IARS1: variants seen among roughly 807,000 people sequenced by gnomAD.
IARS1 encodes the protein isoleucyl-tRNA synthetase 1, also known as isoleucine--tRNA ligase, cytoplasmic.
IARS1 carries 124 observed loss-of-function variants against 168.2 expected under a neutral mutation model. The ratio of observed to expected loss-of-function variants is 0.74; its 90% CI spans 0.64 to 0.86. The LOEUF (loss-of-function observed/expected upper bound fraction) is 0.86. IARS1 is among the 40% of genes least tolerant of loss of function. The pLI is 0.00. For synonymous variants in IARS1, 532 were observed against 529.4 expected, an observed-to-expected ratio of 1.00 and a Z score of -0.07; for missense variants, 1,452 against 1,515.8, an observed-to-expected ratio of 0.96 and a Z score of 0.70.
rs1829903178 is a variant in IARS1, at chr9:92,250,761, T to C, written c.2381A>G (p.Gln794Arg). ...GTGAATGCTGAGTGTGTCCTTGTCC[T>C]GAACAGAAACAGGGTCAATCAGCAC... ...LKVLIDPVSV[Q>R]DKDTLSIHYL... Residue 794 changes from glutamine to arginine, a missense_variant, in exon 23 of 34, where the codon CAG becomes CGG. Gln to Arg is a conservative substitution (Grantham distance 43). Coordinates refer to ENST00000443024, the MANE Select transcript of IARS1 (RefSeq NM_002161.6). The C allele has an allele frequency of 1.9e-6, 3 of 1,613,596 alleles. No individual in the cohort carries two copies. Among genetic ancestry groups the C allele is most frequent in the African/African-American group, 1.3e-5 (1 of 74,902 alleles).
At chr9:92,241,344 A>C (rs190648271) in intron 29 of IARS1, among the ~76,000 whole-genome samples, 3 of 152,168 alleles carry the variant, frequency 2.0e-5, no homozygotes, top group Non-Finnish European at 2.9e-5. Context: ...TATATTTTAA[A>C]TGATCAACTT....
chr9:92,267,790 ATTTCT>A (rs752376509), intron 14 of IARS1, among the ~76,000 whole-genome samples: 18 of 152,154 alleles, frequency 1.2e-4, no homozygotes, highest in Non-Finnish European at 1.9e-4. Context: ...GCTTTGGTAA[ATTTCT>A]TTTCAAGTTT....
intron 6 of IARS1, among the ~76,000 whole-genome samples, chr9:92,282,424 C>T (rs181232013): frequency 1.4e-3 from 211 of 152,064 alleles, no homozygotes; most frequent in African/African-American, 4.7e-3. Context: ...GCCTCGGTTT[C>T]CTGAATAGCT....
intron 28 of IARS1, 61 bp downstream of exon 28, chr9:92,243,155 C>G: frequency 8.1e-7 from 1 of 1,237,264 alleles, no homozygotes. Context: ...CCTATCTTCT[C>G]CAAACAACCA....
At chr9:92,223,253 T>G (rs754623291) in intron 32 of IARS1, 93 bp downstream of exon 32, 1 of 1,234,266 alleles carries the variant, frequency 8.1e-7, no homozygotes, top group African/African-American at 1.5e-5. Flanking sequence ...AGCAATACTT[T>G]GAAGCCGACT....
chr9:92,211,755 ATTCTCTATAATTTGAAG>A (rs1416573728), intron 33 of IARS1, among the ~76,000 whole-genome samples: 2 of 152,184 alleles, frequency 1.3e-5, no homozygotes, highest in African/African-American at 4.8e-5. Flanking sequence ...TCAAAATATG[ATTCTCTATAATTTGAAG>A]AACAGCTATT....
At chr9:92,232,507 T>A (rs1370521339) in intron 30 of IARS1, among the ~76,000 whole-genome samples, 1 of 152,166 alleles carries the variant, frequency 6.6e-6, no homozygotes, top group African/African-American at 2.4e-5. Context: ...AAAGACTAAC[T>A]TTTGCCTTAT....
intron 7 of IARS1, among the ~76,000 whole-genome samples, chr9:92,280,451 G>A (rs771940216): frequency 2.6e-5 from 4 of 152,106 alleles, no homozygotes; most frequent in East Asian, 1.9e-4. Flanking sequence ...ATGCCACATC[G>A]CTGAATCTTA....
intron 9 of IARS1, 47 bp from the exon 10 acceptor site, chr9:92,274,568 TACA>T: frequency 2.2e-6 from 3 of 1,334,342 alleles, no homozygotes; most frequent in South Asian, 1.2e-5. Flanking sequence ...ATTACTGTGT[TACA>T]ACGTTAACTT....
At chr9:92,268,687 T>G (rs1027691984) in intron 13 of IARS1, among the ~76,000 whole-genome samples, 2 of 152,232 alleles carry the variant, frequency 1.3e-5, no homozygotes, top group African/African-American at 2.4e-5. Flanking sequence ...GCCAGGGGAT[T>G]GGTAGCTGCT....
chr9:92,280,432 A>G (rs1834373624), intron 7 of IARS1, among the ~76,000 whole-genome samples: 1 of 152,198 alleles, frequency 6.6e-6, no homozygotes, highest in Non-Finnish European at 1.5e-5. Context: ...AATTGCTAGT[A>G]ACGACGTGAT....
At chr9:92,233,085 A>G (rs1826960892) in intron 30 of IARS1, among the ~76,000 whole-genome samples, 1 of 152,230 alleles carries the variant, frequency 6.6e-6, no homozygotes, top group Non-Finnish European at 1.5e-5. Flanking sequence ...GAAGAGAAAC[A>G]GTAAACAAGT....
chr9:92,216,852 TAGACAGATCAACG>T (rs1554722864), intron 33 of IARS1, among the ~76,000 whole-genome samples: 3 of 144,756 alleles, frequency 2.1e-5, no homozygotes, highest in Non-Finnish European at 4.6e-5. Context: ...CTGTCAACAT[TAGACAGATCAACG>T]AGACAGAAAG....
intron 6 of IARS1, among the ~76,000 whole-genome samples, chr9:92,285,189 A>G (rs1835244886): frequency 1.3e-5 from 2 of 152,266 alleles, no homozygotes; most frequent in Admixed American, 6.5e-5. Flanking sequence ...TTACTAGTAT[A>G]TAATATCTGT....
chr9:92,280,959 A>C (rs1049812637), intron 6 of IARS1, 66 bp from the exon 7 acceptor site: 29 of 1,090,984 alleles, frequency 2.7e-5, no homozygotes, highest in Non-Finnish European at 3.7e-5. Flanking sequence ...AGAAAAAGGA[A>C]CTACTCCTAA....
chr9:92,287,141 G>A (rs1259680630), intron 4 of IARS1, among the ~76,000 whole-genome samples: 4 of 152,100 alleles, frequency 2.6e-5, no homozygotes, highest in African/African-American at 9.7e-5. Context: ...TCACTTCTGT[G>A]GCATTGTCAC....
chr9:92,235,772 G>A (rs530523247), intron 30 of IARS1, among the ~76,000 whole-genome samples: 35 of 151,878 alleles, frequency 2.3e-4, no homozygotes, highest in South Asian at 2.3e-3. Flanking sequence ...TGATCCACCC[G>A]CCTCAGCCTC....
At position 92,251,858 on chromosome 9, in the gene IARS1, T is replaced by A; in HGVS notation, c.2257A>T (p.Met753Leu). Residue 753 changes from methionine to leucine, a missense_variant, in exon 22 of 34, where the codon ATG (methionine) becomes TTG (leucine). Physicochemically the swap from Met to Leu is conservative, Grantham distance 15. Coordinates refer to ENST00000443024, the MANE Select transcript of IARS1 (RefSeq NM_002161.6). ...ACACTAAACAAGGTTTCTAGGGCCATGACACAATCCTCCATCCCATTTTCA... is the reference window on the plus strand; with the variant it reads ...ACACTAAACAAGGTTTCTAGGGCCAAGACACAATCCTCCATCCCATTTTCA... ...KGENGMEDCV[M>L]ALETLFSVLL... is the part of the protein sequence containing the mutation. The A allele has an allele frequency of 6.2e-7, 1 of 1,613,660 alleles. No homozygotes were observed.
In IARS1 at chr9:92,242,139, G is replaced by A. The variant is rs41280213; in HGVS notation, c.3177+15C>T. 4.4e-6 allele frequency: 7 copies of A among 1,600,506 alleles called. No individual in the cohort carries two copies. Among genetic ancestry groups the A allele is most frequent in the Non-Finnish European group, 6.0e-6 (7 of 1,169,740 alleles). On this transcript the variant is annotated intron_variant, in intron 29 of 33. Coordinates refer to ENST00000443024, the MANE Select transcript of IARS1 (RefSeq NM_002161.6). ...GAAACCCTTTAGTAGTAGTTCAGTG[G>A]AACTCAGGACTCACCTGTGTTTTTT...
Sources: allele counts gnomAD v4.1 joint callset (sites outside exome capture counted in the v4.1 genomes callset), GRCh38; gene constraint gnomAD v4.1.1; transcripts MANE v1.5; gene names NCBI Gene and HGNC (gene_info 2026-07-23, HGNC 2026-07-21).